The following HDAC2 variants were observed in gnomAD, a reference collection of about 807,000 sequenced individuals.
HDAC2 encodes histone deacetylase 2.
Under a neutral mutation model 68.5 loss-of-function variants are expected in HDAC2, and 5 were observed. That is an observed-to-expected ratio of 0.07 (90% CI 0.04 to 0.15). The LOEUF is 0.15. HDAC2 is among the 10% of genes least tolerant of loss of function. The pLI is 1.00. For missense variants in HDAC2, 291 were observed against 600.8 expected (o/e 0.48, Z 5.39); for synonymous variants, 182 against 191.3 (o/e 0.95, Z 0.40).
Position 113,962,959 on chromosome 6 carries a change from G to C in HDAC2, c.53-2941C>G, listed in dbSNP as rs571608203. On this transcript the variant is annotated intron_variant, in intron 1 of 13. Coordinates refer to ENST00000519065, the MANE Select transcript of HDAC2 (RefSeq NM_001527.4). Reference sequence around the variant, plus strand: ...AGCCTGGGTGACAGAGCGAGACTCTGTATCAAAAAAAAAAAAAAAAAAGAA... The same window carrying C: ...AGCCTGGGTGACAGAGCGAGACTCTCTATCAAAAAAAAAAAAAAAAAAGAA... Among the ~76,000 whole-genome samples, 310 of 124,518 alleles carry C rather than the reference G, an allele frequency of 2.5e-3. 1 individual carries two copies. The highest frequency in any genetic ancestry group is 8.7e-3 in the African/African-American group (294 of 33,776). 81.7% of individuals were successfully genotyped at this position (124,518 alleles called of 152,430 possible).
At chr6:113,969,136 G>T (rs1776910240) in intron 1 of HDAC2, among the ~76,000 whole-genome samples, 1 of 152,142 alleles carries the variant, frequency 6.6e-6, no homozygotes, top group African/African-American at 2.4e-5. Flanking sequence ...CCCAAAATAT[G>T]CAATGTAAAT....
intron 13 of HDAC2, 69 bp from the exon 14 acceptor site, chr6:113,941,157 A>G: frequency 8.7e-7 from 1 of 1,148,938 alleles, no homozygotes; most frequent in Non-Finnish European, 1.3e-6. Flanking sequence ...GACCTATTAT[A>G]TTGATCAGGT....
intron 1 of HDAC2, chr6:113,970,321 A>C (rs2114628450): frequency 6.0e-6 from 2 of 335,662 alleles, no homozygotes; most frequent in African/African-American, 2.2e-5. Flanking sequence ...GACCGAACGC[A>C]GGGTAGGGGA....
At chr6:113,970,553 C>A in intron 1 of HDAC2, 1 of 1,223,822 alleles carries the variant, frequency 8.2e-7, no homozygotes, top group Non-Finnish European at 1.0e-6. Context: ...ACCACCAAGG[C>A]GGGGTAGGCC....
At chr6:113,952,489 G>C (rs1333695696) in intron 6 of HDAC2, among the ~76,000 whole-genome samples, 4 of 152,184 alleles carry the variant, frequency 2.6e-5, no homozygotes, top group African/African-American at 9.7e-5. Flanking sequence ...AAACTGTAAT[G>C]ATATACCACA....
At chr6:113,970,418 G>C (rs1322453) in intron 1 of HDAC2, 263,309 of 1,009,054 alleles carry the variant, frequency 0.26, 35,238 homozygotes, top group East Asian at 0.29. Context: ...GGCCGGGATA[G>C]AAATTTTGCC....
chr6:113,966,360 G>T (rs1313635827), intron 1 of HDAC2, among the ~76,000 whole-genome samples: 1 of 152,030 alleles, frequency 6.6e-6, no homozygotes, highest in Non-Finnish European at 1.5e-5. Flanking sequence ...GACCAGCCTG[G>T]CCAACATGGT....
intron 1 of HDAC2, chr6:113,969,890 T>C (rs1197258060): frequency 6.6e-6 from 1 of 152,250 alleles, no homozygotes; most frequent in Non-Finnish European, 1.5e-5. Context: ...CTTTGCAAGA[T>C]ACCAATGCTC....
chr6:113,957,233 CAT>C (rs2114609456), intron 3 of HDAC2: 1 of 153,624 alleles, frequency 6.5e-6, no homozygotes, highest in Non-Finnish European at 1.4e-5. Flanking sequence ...GGAGCCAAAA[CAT>C]AGGATACTAA....
intron 8 of HDAC2, chr6:113,947,222 TG>T (rs1776284729): frequency 6.6e-6 from 1 of 152,114 alleles, no homozygotes; most frequent in Non-Finnish European, 1.5e-5. Context: ...TAAACAAAGA[TG>T]TTTACTTTTC....
At chr6:113,961,634 A>G (rs1369848695) in intron 1 of HDAC2, among the ~76,000 whole-genome samples, 3 of 152,176 alleles carry the variant, frequency 2.0e-5, no homozygotes, top group Admixed American at 2.0e-4. Flanking sequence ...TCTACCTTAC[A>G]TGGTGACAAT....
chr6:113,969,064 ATT>A (rs1233479588), intron 1 of HDAC2, among the ~76,000 whole-genome samples: 1 of 152,250 alleles, frequency 6.6e-6, no homozygotes, highest in East Asian at 1.9e-4. Context: ...AATTTTACAA[ATT>A]AACTTATACG....
chr6:113,944,226 C>T (rs1169043364), intron 11 of HDAC2, 54 bp downstream of exon 11: 3 of 1,473,304 alleles, frequency 2.0e-6, no homozygotes, highest in Non-Finnish European at 2.8e-6. Context: ...CCACTAAAAC[C>T]TTCCATTTCA....
At chr6:113,967,288 C>T (rs1776846435) in intron 1 of HDAC2, among the ~76,000 whole-genome samples, 1 of 152,174 alleles carries the variant, frequency 6.6e-6, no homozygotes, top group Admixed American at 6.5e-5. Flanking sequence ...GCCACCACGC[C>T]TGGCTAATTT....
At chr6:113,960,596 T>C (rs1283794469) in intron 1 of HDAC2, among the ~76,000 whole-genome samples, 1 of 152,082 alleles carries the variant, frequency 6.6e-6, no homozygotes. Context: ...TGTCTCATTC[T>C]TCATGACTAA....
intron 11 of HDAC2, 40 bp from the exon 12 acceptor site, chr6:113,943,546 A>T (rs1463211066): frequency 6.5e-7 from 1 of 1,536,012 alleles, no homozygotes; most frequent in African/African-American, 1.4e-5. Flanking sequence ...AAAAACAGTC[A>T]CAGGTTTTAT....
At chr6:113,957,200 G>A (rs1305620591) in intron 3 of HDAC2, 2 of 154,014 alleles carry the variant, frequency 1.3e-5, no homozygotes, top group East Asian at 1.9e-4. Flanking sequence ...CTTGAAAGTT[G>A]CTAAGAATTA....
chr6:113,963,768 G>T (rs1562149554), intron 1 of HDAC2, among the ~76,000 whole-genome samples: 1 of 152,124 alleles, frequency 6.6e-6, no homozygotes, highest in South Asian at 2.1e-4. Context: ...TAAACATTCA[G>T]AAAAATCAGC....
intron 3 of HDAC2, among the ~76,000 whole-genome samples, chr6:113,957,853 C>G (rs1776593698): frequency 6.6e-6 from 1 of 151,966 alleles, no homozygotes; most frequent in Non-Finnish European, 1.5e-5. Context: ...ATGTTGTTTG[C>G]CCAAGGGCTA....
Sources: allele counts gnomAD v4.1 joint callset (sites outside exome capture counted in the v4.1 genomes callset), GRCh38; gene constraint gnomAD v4.1.1; transcripts MANE v1.5; gene names NCBI Gene and HGNC (gene_info 2026-07-23, HGNC 2026-07-21).